MGAT4C: variants seen among roughly 807,000 people sequenced by gnomAD.
The protein encoded by MGAT4C is alpha-1,3-mannosyl-glycoprotein 4-beta-N-acetylglucosaminyltransferase C.
Under a neutral mutation model 40.1 loss-of-function variants are expected in MGAT4C, and 19 were observed. That is an observed-to-expected ratio of 0.47 (90% CI 0.33 to 0.70). The LOEUF is 0.70. Among genes scored for constraint, MGAT4C ranks in the 30% least tolerant of loss-of-function variants. The pLI, the probability that MGAT4C is intolerant of heterozygous loss-of-function variation, is 0.02. For missense variants in MGAT4C, 491 were observed against 563.2 expected, an observed-to-expected ratio of 0.87 and a Z score of 1.30; for synonymous variants, 181 against 187.1, an observed-to-expected ratio of 0.97 and a Z score of 0.27.
At chr12:86,062,703 C>T (rs1254364500) in intron 1 of MGAT4C, among the ~76,000 whole-genome samples, 2 of 151,802 alleles carry the variant, frequency 1.3e-5, no homozygotes, top group Non-Finnish European at 2.9e-5. Flanking sequence ...AGTGAAAACA[C>T]AGCACGAGAA....
intron 3 of MGAT4C, among the ~76,000 whole-genome samples, chr12:86,335,867 C>T (rs1954776802): frequency 6.6e-6 from 1 of 152,110 alleles, no homozygotes; most frequent in Non-Finnish European, 1.5e-5. Context: ...CCAAAATACT[C>T]TTAATCTCCC....
intron 2 of MGAT4C, among the ~76,000 whole-genome samples, chr12:86,542,461 TG>T (rs1396318972): frequency 6.6e-6 from 1 of 152,200 alleles, no homozygotes; most frequent in African/African-American, 2.4e-5. Context: ...TGAGGAACTG[TG>T]GGAGAGCTGT....
chr12:86,376,839 AG>A (rs1955835516), intron 3 of MGAT4C, among the ~76,000 whole-genome samples: 1 of 73,234 alleles, frequency 1.4e-5, no homozygotes. Flanking sequence ...AGAGAGAGAG[AG>A]AGACAGAGAG....
intron 2 of MGAT4C, among the ~76,000 whole-genome samples, chr12:86,479,198 T>C (rs966031490): frequency 6.6e-6 from 1 of 152,000 alleles, no homozygotes; most frequent in Non-Finnish European, 1.5e-5. Context: ...CAACAGTGTA[T>C]GAAAACAGAC....
chr12:86,258,245 A>G (rs186687688), upstream of MGAT4C, among the ~76,000 whole-genome samples: 10 of 152,020 alleles, frequency 6.6e-5, no homozygotes, highest in East Asian at 1.9e-3. Flanking sequence ...TAACCCTCCC[A>G]GAATAATTTC....
At chr12:86,538,461 T>C (rs973112885) in intron 2 of MGAT4C, among the ~76,000 whole-genome samples, 6 of 152,198 alleles carry the variant, frequency 3.9e-5, no homozygotes, top group Non-Finnish European at 8.8e-5. Flanking sequence ...TAATGCCTGA[T>C]GAGTTTAAAC....
At chr12:86,686,579 T>A (rs985164746) in intron 2 of MGAT4C, among the ~76,000 whole-genome samples, 4 of 152,220 alleles carry the variant, frequency 2.6e-5, no homozygotes, top group Admixed American at 1.3e-4. Context: ...CTTTTCTGCA[T>A]CTATTGAGAT....
chr12:86,345,316 G>A (rs1345955922), intron 3 of MGAT4C, among the ~76,000 whole-genome samples: 1 of 151,396 alleles, frequency 6.6e-6, no homozygotes, highest in East Asian at 1.9e-4. Flanking sequence ...GGGTACATGT[G>A]CACAACGTGC....
chr12:86,295,656 A>G (rs1364923094), intron 4 of MGAT4C, among the ~76,000 whole-genome samples: 1 of 152,062 alleles, frequency 6.6e-6, no homozygotes, highest in African/African-American at 2.4e-5. Flanking sequence ...CATCCTGCTG[A>G]TTGGTAGAGC....
intron 2 of MGAT4C, among the ~76,000 whole-genome samples, chr12:86,493,575 C>A (rs995581206): frequency 3.3e-5 from 5 of 150,982 alleles, no homozygotes; most frequent in African/African-American, 1.2e-4. Flanking sequence ...CATTTTCTCA[C>A]TCATAGGTGG....
intron 2 of MGAT4C, among the ~76,000 whole-genome samples, chr12:86,526,676 T>G (rs962095034): frequency 3.3e-5 from 5 of 152,180 alleles, no homozygotes; most frequent in Non-Finnish European, 5.9e-5. Context: ...AGTTCAGGTC[T>G]GACAGTTTCC....
intron 2 of MGAT4C, among the ~76,000 whole-genome samples, chr12:86,719,553 T>C (rs1225632481): frequency 6.6e-6 from 1 of 152,202 alleles, no homozygotes; most frequent in Non-Finnish European, 1.5e-5. Flanking sequence ...TTCTTGATGA[T>C]GGCTCAGTCT....
At chr12:86,735,621 TAAG>T (rs987902851) in intron 1 of MGAT4C, among the ~76,000 whole-genome samples, 5 of 151,908 alleles carry the variant, frequency 3.3e-5, no homozygotes, top group African/African-American at 1.2e-4. Context: ...GGCTGCCTTC[TAAG>T]AAGGCAGTCA....
intron 2 of MGAT4C, among the ~76,000 whole-genome samples, chr12:86,630,804 T>C (rs1963008113): frequency 6.6e-6 from 1 of 152,094 alleles, no homozygotes; most frequent in African/African-American, 2.4e-5. Context: ...TCATACTGAA[T>C]GGGCAAAAAA....
chr12:86,110,281 CTATA>C (rs796290962), intron 1 of MGAT4C, among the ~76,000 whole-genome samples: 77 of 17,048 alleles, frequency 4.5e-3, no homozygotes, highest in South Asian at 9.4e-3. Flanking sequence ...TATATATAGT[CTATA>C]TATATATAGT....
chr12:86,698,333 T>TA (rs1565932426), intron 2 of MGAT4C, among the ~76,000 whole-genome samples: 21 of 152,028 alleles, frequency 1.4e-4, no homozygotes, highest in African/African-American at 3.6e-4. Flanking sequence ...TGAAAATTTT[T>TA]TAAAAAATTG....
intron 2 of MGAT4C, among the ~76,000 whole-genome samples, chr12:86,471,999 G>A (rs1373640781): frequency 6.6e-6 from 1 of 151,982 alleles, no homozygotes; most frequent in Non-Finnish European, 1.5e-5. Context: ...AGTGCCAATA[G>A]TTTTTGTATT....
At chr12:86,800,064 T>A (rs1952198440) in intron 1 of MGAT4C, among the ~76,000 whole-genome samples, 1 of 151,972 alleles carries the variant, frequency 6.6e-6, no homozygotes, top group Non-Finnish European at 1.5e-5. Context: ...GACTTTTCCA[T>A]CCTTCCTACT....
intron 3 of MGAT4C, among the ~76,000 whole-genome samples, chr12:86,366,180 T>C (rs1164907080): frequency 6.6e-6 from 1 of 152,208 alleles, no homozygotes; most frequent in Non-Finnish European, 1.5e-5. Flanking sequence ...TGTTCTTGAT[T>C]TGGCTGTCAG....
Sources: gnomAD v4.1 joint callset for allele counts (sites outside exome capture counted in the v4.1 genomes callset) on GRCh38, gnomAD v4.1.1 for gene constraint, MANE v1.5 for transcripts, NCBI Gene and HGNC (gene_info 2026-07-23, HGNC 2026-07-21) for gene names.